The following AFAP1 variants were observed in gnomAD, a reference collection of about 807,000 sequenced individuals.
The protein encoded by AFAP1 is actin filament associated protein 1, also known as actin filament-associated protein 1.
AFAP1 carries 75 observed loss-of-function variants against 93.9 expected under a neutral mutation model. The ratio of observed to expected loss-of-function variants is 0.80; its 90% CI spans 0.66 to 0.97. The LOEUF is 0.97. Ranked by LOEUF, AFAP1 falls within the 50% of genes least tolerant of loss-of-function variation. The pLI, the probability that AFAP1 is intolerant of heterozygous loss-of-function variation, is 0.00. For synonymous variants in AFAP1, 517 were observed against 430.7 expected, an observed-to-expected ratio of 1.20 and a Z score of -2.48; for missense variants, 1,201 against 1,050.8, an observed-to-expected ratio of 1.14 and a Z score of -1.98.
chr4:7,791,704 T>A (rs1348894547), intron 11 of AFAP1, among the ~76,000 whole-genome samples: 2 of 147,292 alleles, frequency 1.4e-5, no homozygotes, highest in Admixed American at 6.8e-5. Flanking sequence ...AAAAAAAAAA[T>A]TAGCCAGGCA....
At chr4:7,931,878 TGAGACG>T (rs1391602456) in intron 1 of AFAP1, among the ~76,000 whole-genome samples, 2 of 152,004 alleles carry the variant, frequency 1.3e-5, no homozygotes, top group Admixed American at 6.5e-5. Context: ...TTCTTTTTTT[TGAGACG>T]GAGTCTCACT....
intron 1 of AFAP1, among the ~76,000 whole-genome samples, chr4:7,910,369 G>C (rs940393412): frequency 6.6e-6 from 1 of 152,116 alleles, no homozygotes; most frequent in Non-Finnish European, 1.5e-5. Context: ...CAGTTACAGA[G>C]AGGGTGAGGC....
chr4:7,764,408 T>C (rs1162885701), intron 17 of AFAP1, among the ~76,000 whole-genome samples: 2 of 150,556 alleles, frequency 1.3e-5, no homozygotes, highest in East Asian at 3.9e-4. Context: ...AAAAAGGAAG[T>C]AGAATAGTGG....
intron 4 of AFAP1, among the ~76,000 whole-genome samples, chr4:7,854,482 A>G (rs1560201009): frequency 6.6e-6 from 1 of 152,186 alleles, no homozygotes; most frequent in African/African-American, 2.4e-5. Flanking sequence ...ACCTCCTTCC[A>G]ATCATCAAGA....
At chr4:7,816,562 AGAGT>A (rs2149065400) in intron 7 of AFAP1, among the ~76,000 whole-genome samples, 1 of 152,380 alleles carries the variant, frequency 6.6e-6, no homozygotes, top group Non-Finnish European at 1.5e-5. Context: ...GAATGTACAC[AGAGT>A]GAGGGCAAGG....
rs1459405795 is a variant in AFAP1 at position 7,825,744 on chromosome 4, A to G, written c.727-6573T>C. Among the ~76,000 whole-genome samples the G allele has an allele frequency of 2.0e-5, 3 of 152,164 alleles. No homozygotes were observed. In the East Asian group the frequency reaches 5.8e-4, roughly 29 times the overall value. ...CAAAATAATAAAGAAAAAGAACTAC[A>G]TAAAGTAGAAAATAATCACACTACA... On this transcript the variant is annotated intron_variant, in intron 6 of 17. Transcript: ENST00000420658.
chr4:7,872,861 G>GA (rs1227891987), intron 1 of AFAP1, among the ~76,000 whole-genome samples: 10 of 148,514 alleles, frequency 6.7e-5, no homozygotes, highest in African/African-American at 2.5e-4. Context: ...ACGAATCAAG[G>GA]AAGTGACACC....
At position 7,802,276 on chromosome 4, in the gene AFAP1, G is replaced by A. The variant is rs370355909; in HGVS notation, c.1055-1623C>T. ...TTGTTAGGGAGTGACAGAGAAAGGA[G>A]GAGCCAGGCTGAGGCTCCAAGGCCT... On this transcript the variant is annotated intron_variant, in intron 9 of 17. Transcript: ENST00000420658. Among the ~76,000 whole-genome samples, 26 of 152,364 alleles carry A rather than the reference G, an allele frequency of 1.7e-4. No homozygotes were observed. The East Asian group carries it at 3.8e-3, about 23-fold the overall frequency.
At chr4:7,772,020 G>A (rs542149260) in intron 16 of AFAP1, among the ~76,000 whole-genome samples, 1 of 152,320 alleles carries the variant, frequency 6.6e-6, no homozygotes, top group Admixed American at 6.5e-5. Flanking sequence ...GGGCTCATGT[G>A]GAAGAGCAGC....
chr4:7,787,392 T>C (rs1717400572), intron 11 of AFAP1, among the ~76,000 whole-genome samples: 1 of 152,202 alleles, frequency 6.6e-6, no homozygotes, highest in South Asian at 2.1e-4. Flanking sequence ...GTTCTAGCAA[T>C]GACTGAACTG....
intron 1 of AFAP1, among the ~76,000 whole-genome samples, chr4:7,926,420 A>AGCTGT (rs1031700350): frequency 1.3e-5 from 2 of 152,152 alleles, no homozygotes; most frequent in Non-Finnish European, 2.9e-5. Context: ...TCCTACAAAA[A>AGCTGT]GCTGTTCAGG....
chr4:7,789,944 G>A (rs1172208298), intron 11 of AFAP1, among the ~76,000 whole-genome samples: 1 of 152,174 alleles, frequency 6.6e-6, no homozygotes, highest in Admixed American at 6.5e-5. Flanking sequence ...AATATGTTTC[G>A]ATTGTTTACC....
chr4:7,829,722 T>C (rs556392618), intron 6 of AFAP1, among the ~76,000 whole-genome samples: 3 of 152,298 alleles, frequency 2.0e-5, no homozygotes, highest in South Asian at 2.1e-4. Flanking sequence ...ACACACTCTA[T>C]TGGCAAGGCT....
intron 6 of AFAP1, among the ~76,000 whole-genome samples, chr4:7,829,352 G>A (rs905554650): frequency 3.9e-5 from 6 of 152,268 alleles, no homozygotes; most frequent in East Asian, 1.9e-4. Context: ...GTGGTTGTGG[G>A]ATGCCATTTA....
chr4:7,865,377 T>G (rs1471582508), intron 3 of AFAP1, among the ~76,000 whole-genome samples: 2 of 152,216 alleles, frequency 1.3e-5, no homozygotes, highest in Non-Finnish European at 2.9e-5. Flanking sequence ...TTCCAACACT[T>G]AAATCATTCA....
At chr4:7,775,553 T>C (rs1468657551) in intron 14 of AFAP1, 1 of 152,296 alleles carries the variant, frequency 6.6e-6, no homozygotes, top group Non-Finnish European at 1.5e-5. Context: ...GGCTCTGAAT[T>C]GCTGCTACAC....
At chr4:7,873,103 C>T (rs1577324275) in intron 1 of AFAP1, among the ~76,000 whole-genome samples, 1 of 150,606 alleles carries the variant, frequency 6.6e-6, no homozygotes, top group Admixed American at 6.6e-5. Context: ...AGTAGCCGGG[C>T]GTGGTGGCAT....
intron 1 of AFAP1, among the ~76,000 whole-genome samples, chr4:7,895,150 C>A (rs1191222570): frequency 6.6e-6 from 1 of 152,208 alleles, no homozygotes; most frequent in Non-Finnish European, 1.5e-5. Context: ...CTGGACACAG[C>A]GAATGAACAC....
At position 7,939,681 on chromosome 4, in the gene AFAP1, G is replaced by A; in HGVS notation, c.-28C>T. The stretch of plus-strand genomic sequence containing the variant: ...CTCAGGCCGCCACCTCGCAGCGCTC[G>A]CTCCTCGCCGCGGCGCCTGGGCCGA... On this transcript the variant is annotated 5_prime_UTR_variant, in exon 1 of 18. Coordinates refer to ENST00000420658, the MANE Select transcript of AFAP1 (RefSeq NM_001134647.2). The surrounding 1 kb of genome is among the most constrained non-coding windows in gnomAD (Gnocchi z 5.6). 1 of 416,474 alleles carries A rather than the reference G, an allele frequency of 2.4e-6. No individual in the cohort carries two copies. Among genetic ancestry groups the A allele is most frequent in the Non-Finnish European group, 4.8e-6 (1 of 210,376 alleles). The allele number at this position is 416,474 out of a possible 1,614,324, so 25.8% of individuals were successfully genotyped here. A position where few individuals can be genotyped will look rare whatever the true frequency, so the allele number is the denominator to read the frequency against.
Sources: gnomAD v4.1 joint callset for allele counts (sites outside exome capture counted in the v4.1 genomes callset) on GRCh38, gnomAD v4.1.1 for gene constraint, Gnocchi (gnomAD v3.1) non-coding constraint, MANE v1.5 for transcripts, NCBI Gene and HGNC (gene_info 2026-07-23, HGNC 2026-07-21) for gene names.